Variants in GATA5 observed in about 807,000 individuals in gnomAD.
The protein encoded by GATA5 is transcription factor GATA-5.
In GATA5, 27 loss-of-function variants were observed where a neutral mutation model predicts 35.0. The observed-to-expected ratio is 0.77, with a 90% CI of 0.57 to 1.06. The LOEUF (loss-of-function observed/expected upper bound fraction) is 1.06, where lower values mean the gene tolerates loss of function less well. GATA5 is among the 50% of genes least tolerant of loss of function. The pLI is 0.00. For missense variants in GATA5, 612 were observed against 580.0 expected (o/e 1.06, Z -0.57); for synonymous variants, 306 against 267.8 (o/e 1.14, Z -1.39).
chr20:62,468,299 G>A (rs1989642481), intron 3 of GATA5, among the ~76,000 whole-genome samples: 1 of 152,348 alleles, frequency 6.6e-6, no homozygotes, highest in Admixed American at 6.5e-5. Context: ...TTCCCCATCT[G>A]TTATAGCCTG....
At chr20:62,465,090 T>A in intron 6 of GATA5, 99 bp from the exon 7 acceptor site, 1 of 1,065,644 alleles carries the variant, frequency 9.4e-7, no homozygotes, top group Non-Finnish European at 1.3e-6. Flanking sequence ...CCATGACCGG[T>A]ATTTGCCCTT....
At chr20:62,466,373 C>G (rs1312838478) in intron 4 of GATA5, 53 bp downstream of exon 4, 8 of 1,522,438 alleles carry the variant, frequency 5.3e-6, no homozygotes, top group Admixed American at 4.0e-5. Flanking sequence ...GGACGGCGCT[C>G]GCTAGGAGGC....
intron 2 of GATA5, among the ~76,000 whole-genome samples, chr20:62,474,686 T>G (rs996855728): frequency 6.6e-6 from 1 of 152,230 alleles, no homozygotes; most frequent in Non-Finnish European, 1.5e-5. Context: ...TTTATAAAAA[T>G]CGTTTCCAAA....
chr20:62,465,377 G>A lies in GATA5; in HGVS notation c.1001C>T (p.Ala334Val), dbSNP rs373618873. The A allele has an allele frequency of 2.6e-5, 42 of 1,591,752 alleles. No homozygotes were observed. Among genetic ancestry groups the A allele is most frequent in the South Asian group, 6.6e-5 (6 of 90,750 alleles). Residue 334 changes from alanine (A) to valine (V), a missense_variant, in exon 6 of 7, where the codon GCG becomes GTG. Coordinates refer to ENST00000252997, the MANE Select transcript of GATA5 (RefSeq NM_080473.5). ...AATSKAKPSL[A>V]SPVCPGPSMA... Reference sequence around the variant, plus strand: ...GCTGGGCCCAGGGCACACTGGGGACGCCAGGCTGGGCTTGGCTTTCGAAGT... The same window carrying A: ...GCTGGGCCCAGGGCACACTGGGGACACCAGGCTGGGCTTGGCTTTCGAAGT...
At position 62,473,386 on chromosome 20, in the gene GATA5, G is replaced by A; in HGVS notation, c.699+17C>T. The A allele has an allele frequency of 6.3e-7, 1 of 1,594,304 alleles. No individual in the cohort carries two copies. Among genetic ancestry groups the A allele is most frequent in the Non-Finnish European group, 8.5e-7 (1 of 1,171,466 alleles). On this transcript the variant is annotated intron_variant, in intron 3 of 6. Coordinates refer to ENST00000252997, the MANE Select transcript of GATA5 (RefSeq NM_080473.5). ...GAGCACTGCGCCCAGGCGCCCCTCT[G>A]CCCAGCCCGAACTCACCAGGCGCTT...
Position 62,465,827 on chromosome 20 carries a change from CACGCA to C in GATA5, c.913+2_913+6del, listed in dbSNP as rs1555896016. 1 of 1,576,486 alleles carries C rather than the reference CACGCA, an allele frequency of 6.3e-7. No individual in the cohort carries two copies. Among genetic ancestry groups the C allele is most frequent in the East Asian group, 2.3e-5 (1 of 43,190 alleles). The stretch of plus-strand genomic sequence containing the variant: ...AGCGGGGCTGACTGCAGGGCCTGGC[CACGCA>C]CCTGAGGAGCCCCTGGCCTTGGCGA... On this transcript the variant is annotated splice_donor_variant and splice_donor_5th_base_variant and intron_variant, in intron 5 of 6. Transcript: ENST00000252997. LOFTEE classifies it high-confidence loss of function.
chr20:62,466,291 A>C, intron 4 of GATA5, 135 bp downstream of exon 4: 1 of 1,033,706 alleles, frequency 9.7e-7, no homozygotes, highest in Non-Finnish European at 1.4e-6. Flanking sequence ...CGGCCGGGAC[A>C]TGTGTGTACA....
rs1480981607 is a variant in GATA5, at chr20:62,466,619, C to T, written c.700-68G>A. ...CGCGGCTGGAGCAGGGGGACGGAAG[C>T]GAGACTCAGGTCGGCCTTGCGGCCA... On this transcript the variant is annotated intron_variant, in intron 3 of 6. Coordinates refer to ENST00000252997, the MANE Select transcript of GATA5 (RefSeq NM_080473.5). 56 of 1,510,186 alleles carry T rather than the reference C, an allele frequency of 3.7e-5. No individual in the cohort carries two copies. The African/African-American group carries it at 4.1e-4, about 11-fold the overall frequency. 93.5% of individuals were successfully genotyped at this position (1,510,186 alleles called of 1,614,324 possible).
rs1555896094 is a variant in GATA5 at position 62,466,408 on chromosome 20, C to T, written c.825+18G>A. On this transcript the variant is annotated intron_variant, in intron 4 of 6. Transcript: ENST00000252997. ...CTGGACAGAGGCCTCCCCGCCCTGC[C>T]CCGGGGACCACACTCACCCCGTGCA... 1 of 1,569,886 alleles carries T rather than the reference C, an allele frequency of 6.4e-7. No homozygotes were observed. Among genetic ancestry groups the T allele is most frequent in the South Asian group, 1.2e-5 (1 of 85,654 alleles).
In GATA5 at chr20:62,475,442, C is replaced by A; in HGVS notation, c.80G>T (p.Gly27Val). 1 of 1,354,850 alleles carries A rather than the reference C, an allele frequency of 7.4e-7. No individual in the cohort carries two copies. The highest frequency in any genetic ancestry group is 9.5e-7 in the Non-Finnish European group (1 of 1,056,570). The allele number at this position is 1,354,850 out of a possible 1,614,324, so 83.9% of individuals were successfully genotyped here. A position where few individuals can be genotyped will look rare whatever the true frequency, so the allele number is the denominator to read the frequency against. ...ADSGSFLHAP[G>V]AGSPMFVPPA... is the part of the protein sequence containing the mutation. The stretch of plus-strand genomic sequence containing the variant: ...CGGCACAAACATCGGAGAGCCGGCG[C>A]CCGGAGCGTGCAGGAAGGAGCCCGA... Residue 27 changes from glycine (G) to valine (V), a missense_variant, in exon 2 of 7, where the codon GGC becomes GTC. Coordinates refer to ENST00000252997, the MANE Select transcript of GATA5 (RefSeq NM_080473.5).
rs782762414 is a variant in GATA5, at chr20:62,475,505, G to T, written c.17C>A (p.Ala6Glu). ...GGCCTGGCGGGGGCTCGCGGCCAGC[G>T]CCAGGCTCTGGTACATCCTCCCAGG... MYQSLALAASPRQAAY... is the reference protein window; with the variant it reads MYQSLELAASPRQAAY... The change falls in exon 2 of 7, where the codon GCG becomes GAG. Residue 6 changes from alanine to glutamate, a missense_variant. By Grantham distance (107) the Ala-to-Glu change is moderately radical. Coordinates refer to ENST00000252997, the MANE Select transcript of GATA5 (RefSeq NM_080473.5). 2 of 1,320,544 alleles carry T rather than the reference G, an allele frequency of 1.5e-6. No homozygotes were observed. The highest frequency in any genetic ancestry group is 3.0e-5 in the East Asian group (1 of 33,754). The allele number at this position is 1,320,544 out of a possible 1,614,324, so 81.8% of individuals were successfully genotyped here.
intron 3 of GATA5, among the ~76,000 whole-genome samples, chr20:62,468,074 C>A (rs993542920): frequency 7.0e-6 from 1 of 142,522 alleles, no homozygotes. Flanking sequence ...TCGGCTTCCC[C>A]GTCTGTTACA....
rs890593605 is a variant in GATA5, at chr20:62,475,231, G to A, written c.291C>T (p.His97=). The A allele has an allele frequency of 4.3e-5, 54 of 1,248,334 alleles. No homozygotes were observed. The highest frequency in any genetic ancestry group is 5.4e-5 in the Non-Finnish European group (54 of 995,668). The allele number at this position is 1,248,334 out of a possible 1,614,324, so 77.3% of individuals were successfully genotyped here. A position where few individuals can be genotyped will look rare whatever the true frequency, so the allele number is the denominator to read the frequency against. ...CGCCGCTGCCGGGCCCCGAGGGGCT[G>A]TGCGCGAAAGGGAAGGCGGTGGCCC... ...PPGATAFPFA[H]SPSGPGSGGS... Residue 97 remains histidine (H), a synonymous_variant, in exon 2 of 7, where the codon CAC becomes CAT. Transcript: ENST00000252997.
chr20:62,465,564 T>A, intron 5 of GATA5, 100 bp from the exon 6 acceptor site: 1 of 1,452,092 alleles, frequency 6.9e-7, no homozygotes, highest in Non-Finnish European at 9.2e-7. Flanking sequence ...CCAGAGAGGT[T>A]TGGAGACTCC....
In GATA5 at chr20:62,470,475, GT is replaced by G. The variant is rs1439304012; in HGVS notation, c.699+2927del. Among the ~76,000 whole-genome samples the G allele has an allele frequency of 1.3e-5, 2 of 152,202 alleles. No homozygotes were observed. Among genetic ancestry groups the G allele is most frequent in the African/African-American group, 2.4e-5 (1 of 41,458 alleles). ...GGGGATGTAGTAAGCACTTGATACA[GT>G]GCCCATGCCCCTTGCTGGCCGAGGA... On this transcript the variant is annotated intron_variant, in intron 3 of 6. Coordinates refer to ENST00000252997, the MANE Select transcript of GATA5 (RefSeq NM_080473.5). The surrounding 1 kb of genome is among the most constrained non-coding windows in gnomAD (Gnocchi z 4.6).
chr20:62,473,595 C>T lies in GATA5; in HGVS notation c.524-17G>A. 1 of 1,569,604 alleles carries T rather than the reference C, an allele frequency of 6.4e-7. No homozygotes were observed. The highest frequency in any genetic ancestry group is 8.6e-7 in the Non-Finnish European group (1 of 1,156,608). ...AGTCGGACACTGAGGGGACAGGCAG[C>T]TGGTGGGCCCGGGCCCTCCCCTCCC... On this transcript the variant is annotated splice_polypyrimidine_tract_variant and intron_variant, in intron 2 of 6. Coordinates refer to ENST00000252997, the MANE Select transcript of GATA5 (RefSeq NM_080473.5).
At chr20:62,468,345 C>T (rs1249471564) in intron 3 of GATA5, among the ~76,000 whole-genome samples, 1 of 152,284 alleles carries the variant, frequency 6.6e-6, no homozygotes, top group Non-Finnish European at 1.5e-5. Context: ...CCTCTATGAT[C>T]AGATGAGGGC....
chr20:62,465,506 G>A (rs1377336686), intron 5 of GATA5, 42 bp from the exon 6 acceptor site: 2 of 1,578,508 alleles, frequency 1.3e-6, no homozygotes, highest in Non-Finnish European at 1.7e-6. Flanking sequence ...GTCAGGTGTG[G>A]CCTCACTTCC....
intron 1 of GATA5, 86 bp downstream of exon 1, chr20:62,475,844 C>T: frequency 4.5e-6 from 1 of 220,530 alleles, no homozygotes; most frequent in Non-Finnish European, 8.9e-6. Context: ...CCGCAGGACG[C>T]AGGGCCTGGA....
Sources: gnomAD v4.1 joint callset for allele counts (sites outside exome capture counted in the v4.1 genomes callset) on GRCh38, gnomAD v4.1.1 for gene constraint, Gnocchi (gnomAD v3.1) non-coding constraint, MANE v1.5 for transcripts, NCBI Gene and HGNC (gene_info 2026-07-23, HGNC 2026-07-21) for gene names.